The following LMX1B variants were observed in gnomAD, a reference collection of about 807,000 sequenced individuals.
LMX1B encodes LIM homeobox transcription factor 1 beta, also known as LIM homeobox transcription factor 1-beta.
Under a neutral mutation model 51.4 loss-of-function variants are expected in LMX1B, and 12 were observed. That is an observed-to-expected ratio of 0.23 (90% CI 0.15 to 0.38). LMX1B has a LOEUF of 0.38. Among genes scored for constraint, LMX1B ranks in the 10% least tolerant of loss-of-function variants. The pLI, the probability that LMX1B is intolerant of heterozygous loss-of-function variation, is 1.00. For synonymous variants in LMX1B, 237 were observed against 235.4 expected (o/e 1.01, Z -0.06); for missense variants, 445 against 571.1 (o/e 0.78, Z 2.25).
intron 2 of LMX1B, among the ~76,000 whole-genome samples, chr9:126,636,710 G>A (rs191829570): frequency 2.3e-3 from 357 of 152,252 alleles, no homozygotes; most frequent in South Asian, 0.018. Flanking sequence ...TGTGTAGGGG[G>A]TGTCAGGGAC....
At chr9:126,690,171 G>A (rs1444993113) in intron 2 of LMX1B, among the ~76,000 whole-genome samples, 2 of 152,204 alleles carry the variant, frequency 1.3e-5, no homozygotes, top group Non-Finnish European at 2.9e-5. Flanking sequence ...GGCCTTGAGT[G>A]CCAGCCTCAG....
chr9:126,682,876 CAGAG>C lies in LMX1B; in HGVS notation c.327-7957_327-7954del, dbSNP rs1407261026. Among the ~76,000 whole-genome samples, 6 of 123,326 alleles carry C rather than the reference CAGAG, an allele frequency of 4.9e-5. No individual in the cohort carries two copies. The East Asian group carries it at 1.5e-3, about 30-fold the overall frequency. The allele number at this position is 123,326 out of a possible 152,430, so 80.9% of individuals were successfully genotyped here. A position where few individuals can be genotyped will look rare whatever the true frequency, so the allele number is the denominator to read the frequency against. On this transcript the variant is annotated intron_variant, in intron 2 of 7. Transcript: ENST00000373474. ...CGCCACTGCACTCCAGCCTGGGTGA[CAGAG>C]AGGCACTCTGTCTGAAAAAAAAAAA...
intron 2 of LMX1B, among the ~76,000 whole-genome samples, chr9:126,624,416 GACC>G (rs1179774210): frequency 6.6e-6 from 1 of 152,114 alleles, no homozygotes; most frequent in Non-Finnish European, 1.5e-5. Flanking sequence ...CCCTCCTGCC[GACC>G]CCCTCGGGCT....
At chr9:126,619,956 G>A (rs1266156615) in intron 2 of LMX1B, among the ~76,000 whole-genome samples, 3 of 152,114 alleles carry the variant, frequency 2.0e-5, no homozygotes, top group African/African-American at 7.2e-5. Context: ...GTGAAATGGG[G>A]ACTTATTCTG....
At chr9:126,617,033 C>A (rs145831705) in intron 2 of LMX1B, among the ~76,000 whole-genome samples, 6 of 152,298 alleles carry the variant, frequency 3.9e-5, no homozygotes, top group African/African-American at 1.4e-4. Context: ...GGCACACTGC[C>A]GTAGGTCGGC....
chr9:126,685,025 C>T (rs755007487), intron 2 of LMX1B, among the ~76,000 whole-genome samples: 1 of 152,164 alleles, frequency 6.6e-6, no homozygotes, highest in Non-Finnish European at 1.5e-5. Context: ...ATTTGACAAA[C>T]ACTAACCACC....
intron 3 of LMX1B, among the ~76,000 whole-genome samples, chr9:126,691,435 C>A (rs1218667737): frequency 6.6e-6 from 1 of 152,132 alleles, no homozygotes; most frequent in Non-Finnish European, 1.5e-5. Context: ...AAAGCCACAC[C>A]CAGGTCCACA....
chr9:126,669,273 G>A (rs1025474955), intron 2 of LMX1B, among the ~76,000 whole-genome samples: 7 of 152,188 alleles, frequency 4.6e-5, no homozygotes, highest in Non-Finnish European at 1.0e-4. Flanking sequence ...GAGGGCTCCT[G>A]TAGATATGAG....
intron 2 of LMX1B, among the ~76,000 whole-genome samples, chr9:126,627,984 T>C (rs1240422117): frequency 2.0e-5 from 3 of 152,266 alleles, no homozygotes; most frequent in Non-Finnish European, 4.4e-5. Flanking sequence ...ATCCCAGCTC[T>C]TTAAGAAGGG....
chr9:126,682,986 G>C (rs1035752409), intron 2 of LMX1B, among the ~76,000 whole-genome samples: 3 of 151,436 alleles, frequency 2.0e-5, no homozygotes, highest in Non-Finnish European at 4.4e-5. Context: ...GCCTGGGATG[G>C]CTCCCCGGGC....
chr9:126,634,455 G>C (rs1835679854), intron 2 of LMX1B, among the ~76,000 whole-genome samples: 1 of 152,160 alleles, frequency 6.6e-6, no homozygotes, highest in Non-Finnish European at 1.5e-5. Context: ...TCCTGCCCTC[G>C]GCTGCCACCA....
intron 4 of LMX1B, 64 bp downstream of exon 4, chr9:126,693,387 C>A: frequency 6.4e-7 from 1 of 1,554,630 alleles, no homozygotes; most frequent in Non-Finnish European, 8.8e-7. Context: ...TTTCTGGAGA[C>A]CACCCCCTGC....
chr9:126,674,358 T>C (rs573349963), intron 2 of LMX1B, among the ~76,000 whole-genome samples: 111 of 152,124 alleles, frequency 7.3e-4, no homozygotes, highest in African/African-American at 2.7e-3. Context: ...CAGGAACGCC[T>C]GCTCCACTTG....
chr9:126,681,312 G>A (rs1254593976), intron 2 of LMX1B, among the ~76,000 whole-genome samples: 1 of 152,174 alleles, frequency 6.6e-6, no homozygotes, highest in Non-Finnish European at 1.5e-5. Flanking sequence ...CTAGAAGGCA[G>A]CTCAGACCTA....
intron 2 of LMX1B, among the ~76,000 whole-genome samples, chr9:126,616,855 G>C (rs1469945510): frequency 6.6e-6 from 1 of 152,258 alleles, no homozygotes; most frequent in Non-Finnish European, 1.5e-5. Flanking sequence ...GGCTCTGGCT[G>C]TGCCTGGTGG....
At chr9:126,621,650 CTCTTCTTTTTTTTTT>C (rs1197267841) in intron 2 of LMX1B, among the ~76,000 whole-genome samples, 1 of 65,472 alleles carries the variant, frequency 1.5e-5, no homozygotes, top group East Asian at 3.9e-4. Flanking sequence ...CTCTCTCTCT[CTCTTCTTTTTTTTTT>C]TTTTTTTTTT....
chr9:126,676,036 G>A (rs977090033), intron 2 of LMX1B, among the ~76,000 whole-genome samples: 273 of 141,388 alleles, frequency 1.9e-3, no homozygotes, highest in African/African-American at 7.0e-3. Context: ...GCGACAGAGC[G>A]AGACTCCGTC....
At position 126,695,935 on chromosome 9, in the gene LMX1B, G is replaced by C; in HGVS notation, c.983G>C (p.Gly328Ala). Reference protein sequence around the residue: ...QIVAMEQSPYGSSDPFQQGLT... With the variant: ...QIVAMEQSPYASSDPFQQGLT... ...GTGGCCATGGAACAGAGCCCCTACG[G>C]CAGCAGCGACCCCTTCCAGCAGGGC... The change falls in exon 7 of 8, where the codon GGC becomes GCC. Residue 328 changes from glycine to alanine, a missense_variant. Physicochemically the swap from Gly to Ala is moderately conservative, Grantham distance 60. This residue lies in a region of LMX1B where 162 missense variants were observed against 187.8 expected (regional missense o/e 0.86). Coordinates refer to ENST00000373474, the MANE Select transcript of LMX1B (RefSeq NM_001174147.2). This position sits in a 1 kb window ranked among gnomAD's most constrained non-coding sequence, Gnocchi z 5.2. 1 of 1,613,334 alleles carries C rather than the reference G, an allele frequency of 6.2e-7. No homozygotes were observed. The highest frequency in any genetic ancestry group is 8.5e-7 in the Non-Finnish European group (1 of 1,179,768).
rs2030390032 is a variant in LMX1B at position 126,697,687 on chromosome 9, C to T, written c.*1236C>T. ...TCACCTCTCCTGCTGTGGCACCCTT[C>T]CTCTGTTAATTTGGCCCAAAAGACA... On this transcript the variant is annotated 3_prime_UTR_variant, in exon 8 of 8. Transcript: ENST00000373474. 6.6e-6 allele frequency: 1 copy of T among 152,364 alleles called. No individual in the cohort carries two copies. The highest frequency in any genetic ancestry group is 6.5e-5 in the Admixed American group (1 of 15,282). 9.4% of individuals were successfully genotyped at this position (152,364 alleles called of 1,614,324 possible). A position where few individuals can be genotyped will look rare whatever the true frequency, so the allele number is the denominator to read the frequency against.
Sources: allele counts gnomAD v4.1 joint callset (sites outside exome capture counted in the v4.1 genomes callset), GRCh38; gene constraint gnomAD v4.1.1; regional missense constraint gnomAD v4.1.1; non-coding constraint Gnocchi (gnomAD v3.1); transcripts MANE v1.5; gene names NCBI Gene and HGNC (gene_info 2026-07-23, HGNC 2026-07-21).